ADD2: variants seen among roughly 807,000 people sequenced by gnomAD.
The protein encoded by ADD2 is adducin 2, also known as beta-adducin.
ADD2 carries 23 observed loss-of-function variants against 83.0 expected under a neutral mutation model. The ratio of observed to expected loss-of-function variants is 0.28; its 90% CI spans 0.20 to 0.39. The LOEUF (loss-of-function observed/expected upper bound fraction) is 0.39, where lower values mean the gene tolerates loss of function less well. Ranked by LOEUF, ADD2 falls within the 10% of genes least tolerant of loss-of-function variation. The pLI is 1.00. For synonymous variants in ADD2, 375 were observed against 375.4 expected (o/e 1.00, Z 0.01); for missense variants, 758 against 944.9 (o/e 0.80, Z 2.59).
chr2:70,663,657 T>C lies in ADD2; in HGVS notation c.1949A>G (p.Asn650Ser), dbSNP rs1675628491. 9 of 1,614,140 alleles carry C rather than the reference T, an allele frequency of 5.6e-6. No individual in the cohort carries two copies. Among genetic ancestry groups the C allele is most frequent in the Non-Finnish European group, 7.6e-6 (9 of 1,180,032 alleles). Residue 650 changes from asparagine to serine, a missense_variant, in exon 16 of 16, where the codon AAC becomes AGC. Asn to Ser is a conservative substitution (Grantham distance 46). This residue lies in a region of ADD2 where 165 missense variants were observed against 176.2 expected (regional missense o/e 0.94). Coordinates refer to ENST00000264436, the MANE Select transcript of ADD2 (RefSeq NM_001617.4). ...ETTQPEGVVVNGREEEQTAEE... is the reference protein window; with the variant it reads ...ETTQPEGVVVSGREEEQTAEE... ...TGCCGTCTGCTCCTCCTCCCTCCCG[T>C]TGACCACCACCCCTTCCGGCTGGGT...
intron 6 of ADD2, 138 bp from the exon 7 acceptor site, chr2:70,692,690 G>A (rs1206164964): frequency 8.2e-6 from 8 of 974,356 alleles, no homozygotes; most frequent in Admixed American, 3.3e-5. Context: ...CGGACTTGGT[G>A]TTGGAAGAAA....
intron 1 of ADD2, among the ~76,000 whole-genome samples, chr2:70,725,422 A>ATG (rs1468457701): frequency 2.6e-5 from 4 of 152,202 alleles, no homozygotes; most frequent in East Asian, 3.9e-4. Flanking sequence ...ATATATATAT[A>ATG]TGTGTGTATG....
chr2:70,726,672 C>T (rs1319137585), intron 1 of ADD2, among the ~76,000 whole-genome samples: 2 of 152,048 alleles, frequency 1.3e-5, no homozygotes, highest in South Asian at 2.1e-4. Context: ...CTTTTATGGG[C>T]GAAAAACACT....
chr2:70,722,034 T>G (rs1309355219), intron 1 of ADD2, among the ~76,000 whole-genome samples: 2 of 152,180 alleles, frequency 1.3e-5, no homozygotes, highest in East Asian at 3.9e-4. Context: ...GATAACAATT[T>G]GATAACAGGG....
intron 15 of ADD2, among the ~76,000 whole-genome samples, chr2:70,664,020 G>A (rs190164995): frequency 6.6e-5 from 10 of 152,242 alleles, no homozygotes; most frequent in African/African-American, 1.2e-4. Flanking sequence ...CAGGAGGCCC[G>A]GCTGGGGTCC....
chr2:70,751,280 A>G (rs781906379), intron 1 of ADD2, among the ~76,000 whole-genome samples: 1 of 152,224 alleles, frequency 6.6e-6, no homozygotes, highest in African/African-American at 2.4e-5. Context: ...AAAGATGGGC[A>G]GGGCTGGTTG....
chr2:70,698,113 G>A (rs1258032122), intron 4 of ADD2, among the ~76,000 whole-genome samples: 1 of 152,252 alleles, frequency 6.6e-6, no homozygotes, highest in African/African-American at 2.4e-5. Context: ...AGGAGGGCAT[G>A]TCAAAAGCAC....
intron 10 of ADD2, among the ~76,000 whole-genome samples, chr2:70,679,167 A>AC (rs1250340194): frequency 2.0e-5 from 3 of 151,784 alleles, no homozygotes; most frequent in Admixed American, 2.0e-4. Context: ...CTCTTTCTCT[A>AC]CCCCAACAAG....
chr2:70,719,597 G>A (rs1672632545), intron 1 of ADD2, among the ~76,000 whole-genome samples: 1 of 152,168 alleles, frequency 6.6e-6, no homozygotes, highest in African/African-American at 2.4e-5. Context: ...CAGGATGGCT[G>A]GGCTCAGTCT....
At chr2:70,741,138 C>G (rs1194754968) in intron 1 of ADD2, among the ~76,000 whole-genome samples, 8 of 152,222 alleles carry the variant, frequency 5.3e-5, no homozygotes, top group South Asian at 4.2e-4. Context: ...GAGAAAGTTA[C>G]CAAATATCAG....
chr2:70,699,715 G>A (rs1417712565), intron 4 of ADD2, among the ~76,000 whole-genome samples: 1 of 152,156 alleles, frequency 6.6e-6, no homozygotes, highest in African/African-American at 2.4e-5. Context: ...AGGAGGTTGA[G>A]GCTGCAGTGA....
intron 13 of ADD2, chr2:70,675,665 A>G (rs1670099929): frequency 6.1e-6 from 6 of 985,426 alleles, no homozygotes; most frequent in Non-Finnish European, 6.0e-6. Flanking sequence ...AAGGGAGGTG[A>G]GCCTGGAGGC....
chr2:70,735,537 C>T (rs1673500026), intron 1 of ADD2, among the ~76,000 whole-genome samples: 1 of 151,992 alleles, frequency 6.6e-6, no homozygotes, highest in East Asian at 1.9e-4. Context: ...CCTCCACACC[C>T]CTAAAATTTC....
At chr2:70,756,169 C>T (rs189641767) in intron 1 of ADD2, among the ~76,000 whole-genome samples, 1 of 152,102 alleles carries the variant, frequency 6.6e-6, no homozygotes, top group Admixed American at 6.6e-5. Context: ...CTGCCTACCC[C>T]CTTTCCTCCC....
chr2:70,724,138 T>C (rs1672866931), intron 1 of ADD2, among the ~76,000 whole-genome samples: 1 of 152,168 alleles, frequency 6.6e-6, no homozygotes, highest in Non-Finnish European at 1.5e-5. Flanking sequence ...ACCTTCATCG[T>C]GTTAAATGAA....
chr2:70,764,281 C>T (rs1313344104), intron 1 of ADD2, among the ~76,000 whole-genome samples: 2 of 151,964 alleles, frequency 1.3e-5, no homozygotes, highest in African/African-American at 4.9e-5. Flanking sequence ...AAATCCACAA[C>T]AGCAACTTTT....
intron 1 of ADD2, among the ~76,000 whole-genome samples, chr2:70,734,385 C>T (rs1202465119): frequency 2.0e-5 from 3 of 152,092 alleles, no homozygotes; most frequent in African/African-American, 7.2e-5. Flanking sequence ...ACACATGTTG[C>T]TCTAGATGAC....
chr2:70,693,750 T>C (rs149567843), intron 6 of ADD2, among the ~76,000 whole-genome samples: 137 of 152,264 alleles, frequency 9.0e-4, no homozygotes, highest in African/African-American at 3.3e-3. Flanking sequence ...TCCTCAGACA[T>C]GTGGCCTGTT....
intron 10 of ADD2, among the ~76,000 whole-genome samples, chr2:70,683,323 G>A (rs560300457): frequency 1.3e-5 from 2 of 152,158 alleles, no homozygotes; most frequent in African/African-American, 4.8e-5. Context: ...CACTGCGCCC[G>A]GCCTGGACTA....
Sources: allele counts gnomAD v4.1 joint callset (sites outside exome capture counted in the v4.1 genomes callset), GRCh38; gene constraint gnomAD v4.1.1; regional missense constraint gnomAD v4.1.1; transcripts MANE v1.5; gene names NCBI Gene and HGNC (gene_info 2026-07-23, HGNC 2026-07-21).